RBFOX3: variants seen among roughly 807,000 people sequenced by gnomAD.
The protein encoded by RBFOX3 is RNA binding fox-1 homolog 3.
RBFOX3 carries 17 observed loss-of-function variants against 48.7 expected under a neutral mutation model. That is an observed-to-expected ratio of 0.35 (90% confidence interval 0.24 to 0.52). The LOEUF (loss-of-function observed/expected upper bound fraction) is 0.52, where lower values mean the gene tolerates loss of function less well. Ranked by LOEUF, RBFOX3 falls within the 20% of genes least tolerant of loss-of-function variation. The probability of loss-of-function intolerance (pLI) is 0.94; values close to 1 mark genes in which losing one functional copy is unlikely to be tolerated. For synonymous variants in RBFOX3, 212 were observed against 209.5 expected (o/e 1.01, Z -0.10); for missense variants, 382 against 497.5 (o/e 0.77, Z 2.21).
chr17:79,665,210 G>A, the RBFOX3 span, among the ~76,000 whole-genome samples: 1 of 152,208 alleles, frequency 6.6e-6, no homozygotes, highest in Non-Finnish European at 1.5e-5. Context: ...CTGAGCTCTC[G>A]AGACTCTATC....
intron 5 of RBFOX3, among the ~76,000 whole-genome samples, chr17:79,113,312 GT>G (rs2032728484): frequency 6.6e-6 from 1 of 152,134 alleles, no homozygotes; most frequent in African/African-American, 2.4e-5. Context: ...ATACTCCAAG[GT>G]TGGGGAGCGC....
intron 2 of RBFOX3, among the ~76,000 whole-genome samples, chr17:79,347,067 TAGG>T (rs2083045081): frequency 1.3e-5 from 2 of 152,238 alleles, no homozygotes; most frequent in Non-Finnish European, 2.9e-5. Flanking sequence ...TTGCACTGCA[TAGG>T]AGAATGGAAG....
At chr17:79,148,301 C>T (rs2043498667) in intron 4 of RBFOX3, among the ~76,000 whole-genome samples, 1 of 152,256 alleles carries the variant, frequency 6.6e-6, no homozygotes, top group Non-Finnish European at 1.5e-5. Context: ...CGGCTGCCTC[C>T]TGCAGGCCTC....
At chr17:79,428,581 G>C (rs1304407724) in intron 2 of RBFOX3, among the ~76,000 whole-genome samples, 3 of 152,202 alleles carry the variant, frequency 2.0e-5, no homozygotes, top group Admixed American at 6.5e-5. Flanking sequence ...CTGGTTCCCT[G>C]AGCTGCACCC....
chr17:79,510,366 G>A (rs1368031142), intron 1 of RBFOX3, among the ~76,000 whole-genome samples: 1 of 152,220 alleles, frequency 6.6e-6, no homozygotes, highest in African/African-American at 2.4e-5. Context: ...CAAGCACGCA[G>A]GACACGACAA....
intron 1 of RBFOX3, among the ~76,000 whole-genome samples, chr17:79,506,411 C>T (rs1323707606): frequency 7.2e-5 from 11 of 152,212 alleles, no homozygotes; most frequent in Non-Finnish European, 1.5e-4. Context: ...CGATGCCGAG[C>T]GGCCATCTGT....
In RBFOX3 at chr17:79,111,151, C is replaced by G. The variant is rs756708015; in HGVS notation, c.222+4343G>C. On this transcript the variant is annotated intron_variant, in intron 5 of 14. Coordinates refer to ENST00000693108, the MANE Select transcript of RBFOX3 (RefSeq NM_001350451.2). The surrounding 1 kb of genome is among the most constrained non-coding windows in gnomAD (Gnocchi z 4.2). ...ACAGCAGAAAGGACAGAGGTTCATCCTGGGGCTGCAGGTCACTGGGCAGAG... is the reference window on the plus strand; with the variant it reads ...ACAGCAGAAAGGACAGAGGTTCATCGTGGGGCTGCAGGTCACTGGGCAGAG... 8.5e-5 allele frequency among the ~76,000 whole-genome samples: 13 copies of G among 152,244 alleles called. No individual in the cohort carries two copies. The highest frequency in any genetic ancestry group is 1.3e-4 in the Non-Finnish European group (9 of 68,040).
chr17:79,335,029 C>T (rs1177158127), intron 2 of RBFOX3, among the ~76,000 whole-genome samples: 1 of 152,254 alleles, frequency 6.6e-6, no homozygotes, highest in African/African-American at 2.4e-5. Flanking sequence ...CACCTCCTCT[C>T]TGCTGCCTGG....
rs1019078403 is a variant in RBFOX3 at position 79,586,651 on chromosome 17, T to A, written c.-320+24175A>T. Among the ~76,000 whole-genome samples, 23 of 152,324 alleles carry A rather than the reference T, an allele frequency of 1.5e-4. No individual in the cohort carries two copies. In the East Asian group the frequency reaches 4.2e-3, roughly 28 times the overall value. ...CTTGTAATTGAGCTACTTGGTGAGATCTTCCGTTTGATTTTCTCTTTTCAT... is the reference window on the plus strand; with the variant it reads ...CTTGTAATTGAGCTACTTGGTGAGAACTTCCGTTTGATTTTCTCTTTTCAT... On this transcript the variant is annotated intron_variant, in intron 1 of 14. Coordinates refer to ENST00000693108, the MANE Select transcript of RBFOX3 (RefSeq NM_001350451.2).
At chr17:79,219,113 GC>G (rs926016922) in intron 4 of RBFOX3, among the ~76,000 whole-genome samples, 19 of 152,340 alleles carry the variant, frequency 1.2e-4, no homozygotes, top group African/African-American at 4.6e-4. Flanking sequence ...GGGCCCTTGA[GC>G]CCTTCTCCTG....
At chr17:79,494,966 C>T (rs929145761) in intron 1 of RBFOX3, among the ~76,000 whole-genome samples, 2 of 152,168 alleles carry the variant, frequency 1.3e-5, no homozygotes, top group African/African-American at 4.8e-5. Context: ...GACTTGGAAC[C>T]ACCCAAGTCT....
chr17:79,313,757 G>A (rs1055128950), intron 2 of RBFOX3, among the ~76,000 whole-genome samples: 1 of 152,192 alleles, frequency 6.6e-6, no homozygotes, highest in Non-Finnish European at 1.5e-5. Context: ...AGGCTCCTGG[G>A]GCAGCAGCAT....
chr17:79,551,151 G>C (rs1161515074), intron 1 of RBFOX3, among the ~76,000 whole-genome samples: 1 of 152,138 alleles, frequency 6.6e-6, no homozygotes, highest in Non-Finnish European at 1.5e-5. Context: ...TACTTCCTGG[G>C]AGGCCCTTGG....
intron 1 of RBFOX3, among the ~76,000 whole-genome samples, chr17:79,505,516 T>TCC (rs2082980376): frequency 6.6e-6 from 1 of 152,190 alleles, no homozygotes; most frequent in Non-Finnish European, 1.5e-5. Flanking sequence ...CAGCTCCTCT[T>TCC]CTGTCTCCTT....
chr17:79,461,479 G>T (rs1025648059), intron 2 of RBFOX3, among the ~76,000 whole-genome samples: 8 of 152,208 alleles, frequency 5.3e-5, no homozygotes, highest in Non-Finnish European at 8.8e-5. Flanking sequence ...AACAGCATTT[G>T]TAGGTGGAAC....
At chr17:79,584,418 T>C (rs2093172924) in intron 1 of RBFOX3, among the ~76,000 whole-genome samples, 3 of 152,132 alleles carry the variant, frequency 2.0e-5, no homozygotes, top group Admixed American at 6.5e-5. Context: ...TAAGTCATGA[T>C]ACAAAAAAAG....
the RBFOX3 span, among the ~76,000 whole-genome samples, chr17:79,638,585 T>C: frequency 1.3e-5 from 2 of 152,194 alleles, no homozygotes; most frequent in Non-Finnish European, 2.9e-5. Flanking sequence ...GTTTGTCTCC[T>C]CCAATCTCAT....
chr17:79,305,696 C>A (rs1287317705), intron 3 of RBFOX3, among the ~76,000 whole-genome samples: 1 of 152,234 alleles, frequency 6.6e-6, no homozygotes, highest in African/African-American at 2.4e-5. Context: ...AGCTACACAG[C>A]TCTGAGCTGA....
chr17:79,608,156 G>A (rs2093879040), intron 1 of RBFOX3, among the ~76,000 whole-genome samples: 1 of 152,194 alleles, frequency 6.6e-6, no homozygotes, highest in African/African-American at 2.4e-5. Flanking sequence ...GCTGGCGCCC[G>A]CTGAGTGCCT....
Sources: allele counts gnomAD v4.1 joint callset (sites outside exome capture counted in the v4.1 genomes callset), GRCh38; gene constraint gnomAD v4.1.1; non-coding constraint Gnocchi (gnomAD v3.1); transcripts MANE v1.5; gene names NCBI Gene and HGNC (gene_info 2026-07-23, HGNC 2026-07-21).